PI4KA: variants seen among roughly 807,000 people sequenced by gnomAD.
PI4KA encodes PI4-kinase alpha.
Under a neutral mutation model 271.4 loss-of-function variants are expected in PI4KA, and 122 were observed. The observed-to-expected ratio is 0.45, with a 90% confidence interval of 0.39 to 0.52. The LOEUF (loss-of-function observed/expected upper bound fraction) is 0.52. Ranked by LOEUF, PI4KA falls within the 20% of genes least tolerant of loss-of-function variation. PI4KA has a pLI of 0.00. For synonymous variants in PI4KA, 1,041 were observed against 1,078.8 expected (o/e 0.96, Z 0.69); for missense variants, 1,969 against 2,769.1 (o/e 0.71, Z 6.48).
intron 1 of PI4KA, among the ~76,000 whole-genome samples, chr22:20,843,445 G>T (rs1925850470): frequency 6.6e-6 from 1 of 151,340 alleles, no homozygotes; most frequent in Non-Finnish European, 1.5e-5. Flanking sequence ...AGGCTGCAGT[G>T]AGCTGTGATC....
At chr22:20,718,326 A>G (rs1459196745) in intron 44 of PI4KA, among the ~76,000 whole-genome samples, 2 of 152,244 alleles carry the variant, frequency 1.3e-5, no homozygotes, top group Non-Finnish European at 2.9e-5. Context: ...GGACCTGCAA[A>G]GGCAGTCTGG....
chr22:20,754,199 C>G (rs1931024799), intron 23 of PI4KA, among the ~76,000 whole-genome samples: 1 of 152,134 alleles, frequency 6.6e-6, no homozygotes, highest in Non-Finnish European at 1.5e-5. Flanking sequence ...GGGATCCTCC[C>G]ACCTCAGCCT....
intron 23 of PI4KA, among the ~76,000 whole-genome samples, chr22:20,759,573 T>G (rs1458967239): frequency 6.6e-6 from 1 of 151,674 alleles, no homozygotes; most frequent in African/African-American, 2.4e-5. Context: ...TCGGCTTATT[T>G]ATTTATTTTT....
chr22:20,768,472 A>T (rs546411211), intron 19 of PI4KA, among the ~76,000 whole-genome samples: 16 of 152,350 alleles, frequency 1.1e-4, no homozygotes, highest in Non-Finnish European at 1.8e-4. Flanking sequence ...TATAGATTTT[A>T]AAAAATCTAA....
chr22:20,793,367 A>C (rs753818128), intron 18 of PI4KA, 124 bp from the exon 19 acceptor site: 2 of 609,388 alleles, frequency 3.3e-6, no homozygotes, highest in Non-Finnish European at 5.9e-6. Context: ...AAATGATGAG[A>C]GATATGCAGA....
At chr22:20,855,821 T>C (rs911640139) in intron 1 of PI4KA, among the ~76,000 whole-genome samples, 3 of 152,226 alleles carry the variant, frequency 2.0e-5, no homozygotes, top group African/African-American at 7.2e-5. Context: ...TCATAGTTTG[T>C]AAAAAGGATC....
intron 19 of PI4KA, among the ~76,000 whole-genome samples, chr22:20,769,337 C>T (rs1372548381): frequency 6.6e-6 from 1 of 152,132 alleles, no homozygotes; most frequent in African/African-American, 2.4e-5. Flanking sequence ...GCTGAGACTG[C>T]TCTAGTCTCC....
intron 3 of PI4KA, among the ~76,000 whole-genome samples, chr22:20,831,580 AAAAC>A (rs376911967): frequency 1.9e-5 from 2 of 104,094 alleles, no homozygotes; most frequent in Admixed American, 1.0e-4. Flanking sequence ...AACACAAACA[AAAAC>A]AAAAACAAAA....
chr22:20,752,814 T>C, intron 25 of PI4KA, 89 bp downstream of exon 25: 1 of 1,387,956 alleles, frequency 7.2e-7, no homozygotes, highest in Admixed American at 1.8e-5. Flanking sequence ...TTTCCTAGAT[T>C]AATAATATAA....
chr22:20,820,011 C>T (rs1922422419), intron 5 of PI4KA, 111 bp from the exon 6 acceptor site: 1 of 959,744 alleles, frequency 1.0e-6, no homozygotes, highest in Non-Finnish European at 1.6e-6. Context: ...CCACTAATAA[C>T]TGTGAAGGTT....
Position 20,715,874 on chromosome 22 carries a change from T to C in PI4KA, c.5318-1174A>G, listed in dbSNP as rs141130178. On this transcript the variant is annotated intron_variant, in intron 45 of 54. Transcript: ENST00000255882. ...TCTTTTTAACAGCTACAATACCTAA[T>C]GTCATGCCTTTTCTTTTCTTGTTTT... Among the ~76,000 whole-genome samples, 977 of 152,190 alleles carry C rather than the reference T, an allele frequency of 6.4e-3. 17 individuals are homozygous for C. Among genetic ancestry groups the C allele is most frequent in the African/African-American group, 0.023 (939 of 41,526 alleles).
intron 53 of PI4KA, among the ~76,000 whole-genome samples, chr22:20,709,663 GT>G (rs1201049829): frequency 4.4e-5 from 4 of 91,752 alleles, no homozygotes; most frequent in African/African-American, 9.1e-5. Context: ...GTGGAGGTGG[GT>G]TGGGCGTAGC....
At chr22:20,855,626 G>A (rs557669715) in intron 1 of PI4KA, among the ~76,000 whole-genome samples, 11 of 152,310 alleles carry the variant, frequency 7.2e-5, no homozygotes, top group Non-Finnish European at 1.0e-4. Context: ...GCTTCCTTAT[G>A]TTCTCTCCCT....
rs969748606 is a variant in PI4KA at position 20,834,500 on chromosome 22, C to T, written c.367+62G>A. The T allele has an allele frequency of 3.0e-6, 3 of 1,004,466 alleles. No homozygotes were observed. The African/African-American group carries it at 4.8e-5, about 16-fold the overall frequency. The allele number at this position is 1,004,466 out of a possible 1,614,324, so 62.2% of individuals were successfully genotyped here. ...GTGTCAGTATGAATAAACACTTGATCCTACAGACACTGAACATGTGTATTT... is the reference window on the plus strand; with the variant it reads ...GTGTCAGTATGAATAAACACTTGATTCTACAGACACTGAACATGTGTATTT... On this transcript the variant is annotated intron_variant, in intron 3 of 54. Transcript: ENST00000255882.
chr22:20,737,634 C>T (rs373410382), intron 32 of PI4KA, among the ~76,000 whole-genome samples: 18 of 141,312 alleles, frequency 1.3e-4, no homozygotes, highest in East Asian at 8.4e-4. Context: ...TACTCTTTTT[C>T]TTTTTTTTTT....
At position 20,733,850 on chromosome 22, in the gene PI4KA, G is replaced by A. The variant is rs758367270; in HGVS notation, c.4053-7C>T. On this transcript the variant is annotated splice_polypyrimidine_tract_variant and splice_region_variant and intron_variant, in intron 34 of 54. Transcript: ENST00000255882. The stretch of plus-strand genomic sequence containing the variant: ...CAGCCCCAGGGTCAGCAGCCTGTGA[G>A]GGAGCCCCGGACCCAGTTAGAGCAG... The A allele has an allele frequency of 6.2e-7, 1 of 1,611,964 alleles. No individual in the cohort carries two copies. Among genetic ancestry groups the A allele is most frequent in the Non-Finnish European group, 8.5e-7 (1 of 1,179,872 alleles).
chr22:20,767,936 AATTATTATTATTATTATTATT>A lies in PI4KA; in HGVS notation c.2329-2264_2329-2244del, dbSNP rs58742158. The stretch of plus-strand genomic sequence containing the variant: ...AGGTGTGAGCCACCACACCTGGCCT[AATTATTATTATTATTATTATT>A]ATTATTATTATTATTATTATTTCCA... On this transcript the variant is annotated intron_variant, in intron 19 of 54. Transcript: ENST00000255882. 2.5e-3 allele frequency among the ~76,000 whole-genome samples: 356 copies of A among 141,530 alleles called. 5 individuals are homozygous for A. In the East Asian group the frequency reaches 0.058, roughly 23 times the overall value. 92.8% of individuals were successfully genotyped at this position (141,530 alleles called of 152,430 possible). A position where few individuals can be genotyped will look rare whatever the true frequency, so the allele number is the denominator to read the frequency against.
intron 17 of PI4KA, 64 bp downstream of exon 17, chr22:20,798,520 C>T: frequency 1.0e-6 from 1 of 992,618 alleles, no homozygotes; most frequent in Non-Finnish European, 1.6e-6. Flanking sequence ...AATTCACAAA[C>T]CTCACATTTT....
At chr22:20,760,434 G>A (rs1931845577) in intron 23 of PI4KA, among the ~76,000 whole-genome samples, 1 of 152,030 alleles carries the variant, frequency 6.6e-6, no homozygotes. Context: ...TTTTTCCTTT[G>A]TTGTCTCTAT....
Sources: gnomAD v4.1 joint callset for allele counts (sites outside exome capture counted in the v4.1 genomes callset) on GRCh38, gnomAD v4.1.1 for gene constraint, MANE v1.5 for transcripts, NCBI Gene and HGNC (gene_info 2026-07-23, HGNC 2026-07-21) for gene names.